The following MTUS1 variants were observed in gnomAD, a reference collection of about 807,000 sequenced individuals.
MTUS1 encodes microtubule-associated tumor suppressor 1.
Under a neutral mutation model 120.8 loss-of-function variants are expected in MTUS1, and 109 were observed. The ratio of observed to expected loss-of-function variants is 0.90; its 90% confidence interval spans 0.77 to 1.06. The LOEUF (loss-of-function observed/expected upper bound fraction) is 1.06. Among genes scored for constraint, MTUS1 ranks in the 50% least tolerant of loss-of-function variants. The pLI, the probability that MTUS1 is intolerant of heterozygous loss-of-function variation, is 0.00. For synonymous variants in MTUS1, 737 were observed against 550.5 expected (o/e 1.34, Z -4.74); for missense variants, 2,210 against 1,486.3 (o/e 1.49, Z -8.01).
At chr8:17,648,796 C>G (rs1021820822) in intron 13 of MTUS1, among the ~76,000 whole-genome samples, 22 of 152,300 alleles carry the variant, frequency 1.4e-4, no homozygotes, top group African/African-American at 5.1e-4. Context: ...CTTGTAGAAG[C>G]CTGAGTCACT....
At chr8:17,790,254 A>C (rs1022121364) in intron 1 of MTUS1, among the ~76,000 whole-genome samples, 9 of 152,042 alleles carry the variant, frequency 5.9e-5, no homozygotes, top group African/African-American at 1.9e-4. Context: ...AGGCTGAGGT[A>C]GGAGAACTGC....
chr8:17,754,967 G>C lies in MTUS1; in HGVS notation c.841C>G (p.Gln281Glu). The change falls in exon 2 of 15, where the codon CAA becomes GAA. Residue 281 changes from glutamine (Q) to glutamate (E), a missense_variant. Physicochemically the swap from Gln to Glu is conservative, Grantham distance 29. Transcript: ENST00000693296. Reference protein sequence around the residue: ...VTSEYTDGSQQRLVGEKETQA... With the variant: ...VTSEYTDGSQERLVGEKETQA... Reference sequence around the variant, plus strand: ...GTCTCCTTTTCTCCAACTAGTCTTTGTTGTGATCCATCTGTGTACTCACTG... The same window carrying C: ...GTCTCCTTTTCTCCAACTAGTCTTTCTTGTGATCCATCTGTGTACTCACTG... 6.2e-7 allele frequency: 1 copy of C among 1,614,072 alleles called. No homozygotes were observed.
In MTUS1 at chr8:17,754,359, T is replaced by C; in HGVS notation, c.1449A>G (p.Thr483=). 1 of 1,613,786 alleles carries C rather than the reference T, an allele frequency of 6.2e-7. No homozygotes were observed. The change falls in exon 2 of 15, where the codon ACA becomes ACG. Residue 483 remains threonine, a synonymous_variant. Coordinates refer to ENST00000693296, the MANE Select transcript of MTUS1 (RefSeq NM_001363059.2). The part of the protein sequence containing the change: ...NLCKPSLGKS[T]IKTNTPIGCK... Reference sequence around the variant, plus strand: ...AGCCTATTGGGGTATTCGTTTTGATTGTTGATTTTCCTAAACTGGGTTTAC... The same window carrying C: ...AGCCTATTGGGGTATTCGTTTTGATCGTTGATTTTCCTAAACTGGGTTTAC...
chr8:17,774,240 C>T (rs1461014567), intron 1 of MTUS1, among the ~76,000 whole-genome samples: 1 of 152,196 alleles, frequency 6.6e-6, no homozygotes, highest in African/African-American at 2.4e-5. Context: ...AATGCAGCTA[C>T]TACTAGTTTG....
rs561138577 is a variant in MTUS1 at position 17,760,316 on chromosome 8, T to C, written c.-154-4355A>G. Among the ~76,000 whole-genome samples, 4 of 152,314 alleles carry C rather than the reference T, an allele frequency of 2.6e-5. No individual in the cohort carries two copies. The East Asian group carries it at 5.8e-4, about 22-fold the overall frequency. On this transcript the variant is annotated intron_variant, in intron 1 of 14. Coordinates refer to ENST00000693296, the MANE Select transcript of MTUS1 (RefSeq NM_001363059.2). ...CATAAATACTTAAGGATTGTTTTTA[T>C]ATAAAATAAATTTACTGACATCTCT...
chr8:17,650,568 G>C (rs35568939), intron 12 of MTUS1, among the ~76,000 whole-genome samples: 22,538 of 152,178 alleles, frequency 0.15, 1,741 homozygotes, highest in Non-Finnish European at 0.17. Context: ...AAGTTTGCCA[G>C]GCATAGTGGC....
chr8:17,742,728 T>G (rs546627177), intron 3 of MTUS1, among the ~76,000 whole-genome samples: 1 of 152,284 alleles, frequency 6.6e-6, no homozygotes, highest in East Asian at 1.9e-4. Context: ...CATGGTAGGG[T>G]TGAAAAATGA....
At chr8:17,792,054 C>T (rs1232513599) in intron 1 of MTUS1, among the ~76,000 whole-genome samples, 5 of 152,122 alleles carry the variant, frequency 3.3e-5, no homozygotes, top group African/African-American at 1.2e-4. Flanking sequence ...CCCAATTTTG[C>T]CTGTTAAGTC....
At chr8:17,665,953 T>A (rs1810807544) in intron 8 of MTUS1, among the ~76,000 whole-genome samples, 1 of 152,230 alleles carries the variant, frequency 6.6e-6, no homozygotes, top group South Asian at 2.1e-4. Context: ...TCTTGGTGCC[T>A]AGGTACCAGC....
upstream of MTUS1, among the ~76,000 whole-genome samples, chr8:17,801,169 G>A (rs2052654195): frequency 6.6e-6 from 1 of 151,784 alleles, no homozygotes; most frequent in Non-Finnish European, 1.5e-5. Flanking sequence ...GGTCTCGGGG[G>A]CGGCGTCTGC....
rs61733701 is a variant in MTUS1, at chr8:17,755,363, C to T, written c.445G>A (p.Ala149Thr). Residue 149 changes from alanine (A) to threonine (T), a missense_variant, in exon 2 of 15, where the codon GCA becomes ACA. Coordinates refer to ENST00000693296, the MANE Select transcript of MTUS1 (RefSeq NM_001363059.2). ...VWKPNDNLNC[A>T]GYCDALELNQ... ...AGCTCCAAGGCATCACAGTAGCCTG[C>T]ACAGTTCAAATTGTCATTAGGCTTC... The T allele has an allele frequency of 0.029, 46,442 of 1,614,142 alleles. 892 individuals carry two copies. The highest frequency in any genetic ancestry group is 0.066 in the South Asian group (5,983 of 91,080).
chr8:17,698,269 T>C (rs1301843984), intron 6 of MTUS1, among the ~76,000 whole-genome samples: 1 of 152,224 alleles, frequency 6.6e-6, no homozygotes, highest in African/African-American at 2.4e-5. Flanking sequence ...TCTCTTATAG[T>C]GGTCTTTCAA....
chr8:17,757,758 C>A (rs1361569925), intron 1 of MTUS1, among the ~76,000 whole-genome samples: 2 of 152,104 alleles, frequency 1.3e-5, no homozygotes, highest in Non-Finnish European at 2.9e-5. Context: ...AACTCCTGAC[C>A]TCAGGTAATC....
At chr8:17,799,425 T>C (rs1032256782) in intron 1 of MTUS1, among the ~76,000 whole-genome samples, 2 of 152,138 alleles carry the variant, frequency 1.3e-5, no homozygotes, top group Non-Finnish European at 2.9e-5. Flanking sequence ...AATTTTTCTA[T>C]ATATTAACAA....
chr8:17,645,668 T>G lies in MTUS1; in HGVS notation c.*258A>C, dbSNP rs1375309838. 1 of 380,026 alleles carries G rather than the reference T, an allele frequency of 2.6e-6. No homozygotes were observed. Among genetic ancestry groups the G allele is most frequent in the Non-Finnish European group, 4.6e-6 (1 of 216,122 alleles). 23.5% of individuals were successfully genotyped at this position (380,026 alleles called of 1,614,324 possible). On this transcript the variant is annotated 3_prime_UTR_variant, in exon 15 of 15. Coordinates refer to ENST00000693296, the MANE Select transcript of MTUS1 (RefSeq NM_001363059.2). ...CAAGATGCTCTCGTTCTTTAAGTGC[T>G]TTGTGCAACAACGTCCGTGTCGATG... is the stretch of plus-strand genomic sequence containing the variant.
chr8:17,753,859 C>T lies in MTUS1; in HGVS notation c.1949G>A (p.Cys650Tyr). Residue 650 changes from cysteine (C) to tyrosine (Y), a missense_variant, in exon 2 of 15, where the codon TGT becomes TAT. By Grantham distance (194) the Cys-to-Tyr change is radical (BLOSUM62 -2). Coordinates refer to ENST00000693296, the MANE Select transcript of MTUS1 (RefSeq NM_001363059.2). ...GTTGGGAACATAGGTCATTTCCAAA[C>T]ATTCTGCACTTTCCATTTTAACAGG... ...ILPVKMESAE[C>Y]LEMTYVPNID... 1 of 1,614,162 alleles carries T rather than the reference C, an allele frequency of 6.2e-7. No homozygotes were observed.
At chr8:17,751,824 C>T (rs551063058) in intron 2 of MTUS1, among the ~76,000 whole-genome samples, 4 of 141,410 alleles carry the variant, frequency 2.8e-5, no homozygotes, top group Non-Finnish European at 6.0e-5. Flanking sequence ...TGCCACTGCA[C>T]TCCAGCCTGG....
intron 1 of MTUS1, among the ~76,000 whole-genome samples, chr8:17,774,783 T>C (rs939153110): frequency 3.3e-5 from 5 of 151,948 alleles, no homozygotes; most frequent in Admixed American, 6.6e-5. Flanking sequence ...TGTACATCCA[T>C]GTTCACAGCA....
At chr8:17,654,974 C>G (rs188138893) in intron 9 of MTUS1, 1 of 297,068 alleles carries the variant, frequency 3.4e-6, no homozygotes, top group Non-Finnish European at 6.4e-6. Flanking sequence ...TGGGATTCAC[C>G]GCTCAACTCT....
Sources: gnomAD v4.1 joint callset for allele counts (sites outside exome capture counted in the v4.1 genomes callset) on GRCh38, gnomAD v4.1.1 for gene constraint, MANE v1.5 for transcripts, NCBI Gene and HGNC (gene_info 2026-07-23, HGNC 2026-07-21) for gene names.